MECOM: variants seen among roughly 807,000 people sequenced by gnomAD.
The protein encoded by MECOM is histone-lysine N-methyltransferase MECOM.
A neutral mutation model predicts 116.3 loss-of-function variants in MECOM; 13 were observed. That is an observed-to-expected ratio of 0.11 (90% CI 0.07 to 0.18). The LOEUF (loss-of-function observed/expected upper bound fraction) is 0.18, where lower values mean the gene tolerates loss of function less well. Ranked by LOEUF, MECOM falls within the 10% of genes least tolerant of loss-of-function variation. The pLI is 1.00. For missense variants in MECOM, 1,299 were observed against 1,509.0 expected (o/e 0.86, Z 2.31); for synonymous variants, 528 against 535.2 (o/e 0.99, Z 0.19).
intron 2 of MECOM, among the ~76,000 whole-genome samples, chr3:169,239,146 G>T (rs1441024345): frequency 6.6e-6 from 1 of 152,060 alleles, no homozygotes. Flanking sequence ...ACGTCCTCAA[G>T]CAAAGTTGAG....
intron 2 of MECOM, among the ~76,000 whole-genome samples, chr3:169,154,612 C>G (rs771659248): frequency 4.6e-5 from 7 of 152,128 alleles, no homozygotes; most frequent in Non-Finnish European, 7.4e-5. Context: ...TTACTTATTC[C>G]CTTGCTCACA....
chr3:169,517,910 G>T (rs1179781301), intron 1 of MECOM, among the ~76,000 whole-genome samples: 1 of 152,222 alleles, frequency 6.6e-6, no homozygotes, highest in Non-Finnish European at 1.5e-5. Context: ...CAACAGAGAA[G>T]TCAGACACTA....
intron 1 of MECOM, among the ~76,000 whole-genome samples, chr3:169,537,886 A>G (rs1307082637): frequency 4.6e-5 from 7 of 152,178 alleles, no homozygotes; most frequent in African/African-American, 1.7e-4. Context: ...CACAACCTAT[A>G]AACCTACTTC....
chr3:169,489,839 C>T (rs1440191285), intron 1 of MECOM, among the ~76,000 whole-genome samples: 1 of 151,960 alleles, frequency 6.6e-6, no homozygotes, highest in Non-Finnish European at 1.5e-5. Context: ...AAACAAGATG[C>T]CACTATGCAT....
At chr3:169,619,374 G>A (rs879203653) in intron 1 of MECOM, among the ~76,000 whole-genome samples, 1 of 152,174 alleles carries the variant, frequency 6.6e-6, no homozygotes, top group Admixed American at 6.5e-5. Context: ...GGCTGGAGAG[G>A]TGTCACCACT....
chr3:169,474,010 T>C (rs1749965513), intron 1 of MECOM, among the ~76,000 whole-genome samples: 1 of 152,116 alleles, frequency 6.6e-6, no homozygotes, highest in Admixed American at 6.5e-5. Flanking sequence ...ACAGGACAGA[T>C]TGGGTCAGTA....
intron 1 of MECOM, among the ~76,000 whole-genome samples, chr3:169,529,620 C>T (rs1365589564): frequency 1.3e-5 from 2 of 152,204 alleles, no homozygotes; most frequent in African/African-American, 4.8e-5. Flanking sequence ...AGAACAATTC[C>T]AAATCACAGC....
chr3:169,596,590 T>C (rs1458371425), intron 1 of MECOM, among the ~76,000 whole-genome samples: 2 of 152,222 alleles, frequency 1.3e-5, no homozygotes, highest in Admixed American at 1.3e-4. Flanking sequence ...ACTAAATCCT[T>C]ATTTCCATGA....
At chr3:169,234,759 T>G (rs757091546) in intron 2 of MECOM, among the ~76,000 whole-genome samples, 5 of 152,214 alleles carry the variant, frequency 3.3e-5, no homozygotes, top group Admixed American at 1.3e-4. Flanking sequence ...TACATACTTA[T>G]GCTTTCTTTG....
intron 2 of MECOM, among the ~76,000 whole-genome samples, chr3:169,341,448 A>C (rs1724504546): frequency 6.6e-6 from 1 of 151,192 alleles, no homozygotes; most frequent in South Asian, 2.1e-4. Flanking sequence ...AAAAAAAAAA[A>C]AACACAGAAG....
intron 1 of MECOM, among the ~76,000 whole-genome samples, chr3:169,506,750 A>G (rs1278185025): frequency 6.6e-6 from 1 of 152,190 alleles, no homozygotes; most frequent in African/African-American, 2.4e-5. Flanking sequence ...TACTTACCCC[A>G]GGGTGAGGAG....
intron 1 of MECOM, among the ~76,000 whole-genome samples, chr3:169,486,401 G>A (rs1026860003): frequency 3.3e-5 from 5 of 151,986 alleles, no homozygotes; most frequent in African/African-American, 1.2e-4. Flanking sequence ...GAAGAATTTT[G>A]AGGCCAGAAA....
At chr3:169,267,561 A>C (rs1758463114) in intron 2 of MECOM, among the ~76,000 whole-genome samples, 1 of 152,088 alleles carries the variant, frequency 6.6e-6, no homozygotes, top group Non-Finnish European at 1.5e-5. Context: ...GTAGGTAATA[A>C]AGTAACCTCA....
chr3:169,118,116 T>G (rs183036769), intron 7 of MECOM, among the ~76,000 whole-genome samples: 340 of 152,030 alleles, frequency 2.2e-3, no homozygotes, highest in African/African-American at 7.8e-3. Context: ...AAAAAACTCA[T>G]GTCAAGGAGA....
At chr3:169,378,488 A>C (rs1426724200) in intron 2 of MECOM, among the ~76,000 whole-genome samples, 3 of 35,028 alleles carry the variant, frequency 8.6e-5, no homozygotes, top group Admixed American at 6.8e-4. Context: ...AAAGAGAGAG[A>C]GAAAGAAAGA....
Position 169,454,390 on chromosome 3 carries a change from GAA to G in MECOM, c.38-72868_38-72867del, listed in dbSNP as rs35807490. ...TGGTAATGTAGCAACTTTCTTTCAGGAAAAAAAAAAAAAAAAAAAGCCCTTTC... is the reference window on the plus strand; with the variant it reads ...TGGTAATGTAGCAACTTTCTTTCAGGAAAAAAAAAAAAAAAAAGCCCTTTC... On this transcript the variant is annotated intron_variant, in intron 1 of 16. Transcript: ENST00000651503. 7.1e-3 allele frequency among the ~76,000 whole-genome samples: 788 copies of G among 111,772 alleles called. 3 individuals carry two copies. The highest frequency in any genetic ancestry group is 0.028 in the African/African-American group (714 of 25,874). 73.3% of individuals were successfully genotyped at this position (111,772 alleles called of 152,430 possible).
At chr3:169,263,419 C>T (rs965039085) in intron 2 of MECOM, among the ~76,000 whole-genome samples, 3 of 151,506 alleles carry the variant, frequency 2.0e-5, no homozygotes, top group Admixed American at 2.0e-4. Context: ...TGAGCCACCG[C>T]GCCCTGCCAA....
chr3:169,145,189 CAGAGAG>C (rs796834184), intron 2 of MECOM: 1 of 102,440 alleles, frequency 9.8e-6, no homozygotes, highest in African/African-American at 1.6e-4. Context: ...CACACACACA[CAGAGAG>C]AAATCAAACT....
At chr3:169,649,222 G>A (rs1371335748) in intron 1 of MECOM, among the ~76,000 whole-genome samples, 1 of 152,006 alleles carries the variant, frequency 6.6e-6, no homozygotes, top group East Asian at 1.9e-4. Flanking sequence ...CACTTTGGGA[G>A]GCTGAGGCTT....
Sources: allele counts gnomAD v4.1 joint callset (sites outside exome capture counted in the v4.1 genomes callset), GRCh38; gene constraint gnomAD v4.1.1; transcripts MANE v1.5; gene names NCBI Gene and HGNC (gene_info 2026-07-23, HGNC 2026-07-21).